The following FBLN2 variants were observed in gnomAD, a reference collection of about 807,000 sequenced individuals.
The protein encoded by FBLN2 is fibulin 2.
FBLN2 carries 81 observed loss-of-function variants against 123.7 expected under a neutral mutation model. The ratio of observed to expected loss-of-function variants is 0.65; its 90% CI spans 0.55 to 0.79. The LOEUF (loss-of-function observed/expected upper bound fraction) is 0.79, where lower values mean the gene tolerates loss of function less well. Ranked by LOEUF, FBLN2 falls within the 30% of genes least tolerant of loss-of-function variation. FBLN2 has a pLI of 0.00. For missense variants in FBLN2, 1,603 were observed against 1,681.3 expected (o/e 0.95, Z 0.81); for synonymous variants, 699 against 701.4 (o/e 1.00, Z 0.05).
chr3:13,559,187 G>A (rs1703543651), intron 1 of FBLN2, among the ~76,000 whole-genome samples: 1 of 152,082 alleles, frequency 6.6e-6, no homozygotes, highest in South Asian at 2.1e-4. Context: ...TTAGGTATGT[G>A]CCCATATGTC....
intron 9 of FBLN2, among the ~76,000 whole-genome samples, chr3:13,623,910 G>T (rs2176621): frequency 0.4 from 60,218 of 152,160 alleles, 13,064 homozygotes; most frequent in East Asian, 0.75. Flanking sequence ...GCAACCTGCA[G>T]AGGTAGTAAG....
intron 8 of FBLN2, among the ~76,000 whole-genome samples, chr3:13,620,817 G>C (rs1705824704): frequency 6.6e-6 from 1 of 152,224 alleles, no homozygotes; most frequent in African/African-American, 2.4e-5. Context: ...GAAAGCCCGT[G>C]TCCATCCCCA....
At chr3:13,620,443 T>G (rs1288642851) in intron 8 of FBLN2, among the ~76,000 whole-genome samples, 5 of 152,194 alleles carry the variant, frequency 3.3e-5, no homozygotes, top group African/African-American at 1.2e-4. Context: ...TGGCTGAATC[T>G]GTTCCCAAAT....
At chr3:13,603,110 A>G (rs1705089925) in intron 2 of FBLN2, among the ~76,000 whole-genome samples, 1 of 151,572 alleles carries the variant, frequency 6.6e-6, no homozygotes, top group Non-Finnish European at 1.5e-5. Flanking sequence ...ACGAGGTTTC[A>G]TTATGTTGGC....
At chr3:13,604,065 C>T (rs1705126876) in intron 2 of FBLN2, among the ~76,000 whole-genome samples, 1 of 152,262 alleles carries the variant, frequency 6.6e-6, no homozygotes, top group East Asian at 1.9e-4. Context: ...ATATCCTTCG[C>T]CCACTTTTTG....
intron 4 of FBLN2, among the ~76,000 whole-genome samples, chr3:13,610,877 A>G (rs1277693469): frequency 2.0e-5 from 3 of 148,324 alleles, no homozygotes; most frequent in African/African-American, 7.6e-5. Flanking sequence ...AGAAAGGGGC[A>G]GGAGAGCCCC....
intron 2 of FBLN2, among the ~76,000 whole-genome samples, chr3:13,600,294 A>G (rs1404782956): frequency 1.3e-5 from 2 of 152,072 alleles, no homozygotes; most frequent in Non-Finnish European, 2.9e-5. Context: ...TGGCACCTGC[A>G]CAATTTCCCC....
chr3:13,570,071 G>A (rs1703879017), intron 1 of FBLN2, among the ~76,000 whole-genome samples: 2 of 152,122 alleles, frequency 1.3e-5, no homozygotes, highest in Admixed American at 1.3e-4. Flanking sequence ...ACACGTGTGG[G>A]GCTGTCAGCG....
chr3:13,600,616 CTT>C lies in FBLN2; in HGVS notation c.1307-7431_1307-7430del, dbSNP rs35007080. Among the ~76,000 whole-genome samples, 72 of 137,748 alleles carry C rather than the reference CTT, an allele frequency of 5.2e-4. No homozygotes were observed. The East Asian group carries it at 7.8e-3, about 15-fold the overall frequency. The allele number at this position is 137,748 out of a possible 152,430, so 90.4% of individuals were successfully genotyped here. A position where few individuals can be genotyped will look rare whatever the true frequency, so the allele number is the denominator to read the frequency against. The stretch of plus-strand genomic sequence containing the variant: ...GCGACTTCTTTTTTAATTTTGTACA[CTT>C]TTTTTTTTTTTTTTGAGACGGAGTC... On this transcript the variant is annotated intron_variant, in intron 2 of 17. Transcript: ENST00000404922.
intron 2 of FBLN2, among the ~76,000 whole-genome samples, chr3:13,583,423 C>T (rs1338819960): frequency 6.6e-6 from 1 of 152,236 alleles, no homozygotes; most frequent in African/African-American, 2.4e-5. Flanking sequence ...CTGACTTGGC[C>T]CCCTGCACCG....
chr3:13,595,809 C>T (rs375099269), intron 2 of FBLN2, among the ~76,000 whole-genome samples: 71 of 152,098 alleles, frequency 4.7e-4, no homozygotes, highest in African/African-American at 1.7e-3. Context: ...ATCAAAGGAG[C>T]TTAGAATCCT....
rs373881539 is a variant in FBLN2, at chr3:13,637,543, C to T, written c.3339-19C>T. ...GGGGGTGGGCGAGCTGTGGGTGACC[C>T]GGCCTATCCTCCCTGCAGGAAGTGC... On this transcript the variant is annotated intron_variant, in intron 17 of 17. Coordinates refer to ENST00000404922, the MANE Select transcript of FBLN2 (RefSeq NM_001004019.2). The T allele has an allele frequency of 2.3e-5, 36 of 1,576,206 alleles. No individual in the cohort carries two copies. Among genetic ancestry groups the T allele is most frequent in the Admixed American group, 5.2e-5 (3 of 58,244 alleles).
At chr3:13,560,041 G>A (rs1703564479) in intron 1 of FBLN2, among the ~76,000 whole-genome samples, 3 of 152,200 alleles carry the variant, frequency 2.0e-5, no homozygotes. Context: ...TTGCAGAGGA[G>A]TAACTTGTGG....
intron 4 of FBLN2, among the ~76,000 whole-genome samples, chr3:13,612,100 G>A (rs994484643): frequency 6.6e-6 from 1 of 152,100 alleles, no homozygotes; most frequent in African/African-American, 2.4e-5. Flanking sequence ...TGGCATTTGG[G>A]AGAGGATTTT....
At position 13,636,561 on chromosome 3, in the gene FBLN2, T is replaced by C; in HGVS notation, c.3331T>C (p.Ser1111Pro). Reference protein sequence around the residue: ...FECPPNYVQVSKTKCERTTCH... With the variant: ...FECPPNYVQVPKTKCERTTCH... The stretch of plus-strand genomic sequence containing the variant: ...GTGTCCTCCCAACTATGTCCAAGTC[T>C]CCAAAACGTGAGTGTCCCCACCCCA... Residue 1111 changes from serine to proline, a missense_variant, in exon 17 of 18, where the codon TCC becomes CCC. Physicochemically the swap from Ser to Pro is moderately conservative, Grantham distance 74. Transcript: ENST00000404922. 1 of 1,613,148 alleles carries C rather than the reference T, an allele frequency of 6.2e-7. No individual in the cohort carries two copies. Among genetic ancestry groups the C allele is most frequent in the Non-Finnish European group, 8.5e-7 (1 of 1,179,598 alleles).
intron 2 of FBLN2, among the ~76,000 whole-genome samples, chr3:13,573,776 G>T (rs1320245023): frequency 6.6e-6 from 1 of 151,594 alleles, no homozygotes; most frequent in African/African-American, 2.4e-5. Flanking sequence ...GGTGGCAGGC[G>T]CCCGTAATCC....
In FBLN2 at chr3:13,629,842, G is replaced by A. The variant is rs757830659; in HGVS notation, c.2865G>A (p.Ser955=). The change falls in exon 14 of 18, where the codon TCG becomes TCA. Residue 955 remains serine (S), a synonymous_variant. Transcript: ENST00000404922. ...CAGACGTGAATGAGTGCTGGGCCTC[G>A]CCAGGCCGCCTGTGCCAGCACACGT... ...GCIDVNECWA[S]PGRLCQHTCE... is the part of the protein sequence containing the mutation. The A allele has an allele frequency of 6.3e-6, 10 of 1,580,828 alleles. No homozygotes were observed. Among genetic ancestry groups the A allele is most frequent in the South Asian group, 2.3e-5 (2 of 86,194 alleles).
chr3:13,571,584 A>C lies in FBLN2; in HGVS notation c.1229A>C (p.Gln410Pro). The C allele has an allele frequency of 6.2e-7, 1 of 1,613,358 alleles. No homozygotes were observed. The highest frequency in any genetic ancestry group is 8.5e-7 in the Non-Finnish European group (1 of 1,179,714). The change falls in exon 2 of 18, where the codon CAA becomes CCA. Residue 410 changes from glutamine to proline, a missense_variant. Physicochemically the swap from Gln to Pro is moderately conservative, Grantham distance 76. Coordinates refer to ENST00000404922, the MANE Select transcript of FBLN2 (RefSeq NM_001004019.2). Reference protein sequence around the residue: ...PPTREVPRKPQVLPHSHVEED... With the variant: ...PPTREVPRKPPVLPHSHVEED... Reference sequence around the variant, plus strand: ...ACCCGAGAAGTGCCCAGGAAGCCGCAAGTTCTGCCCCATTCCCACGTGGAG... The same window carrying C: ...ACCCGAGAAGTGCCCAGGAAGCCGCCAGTTCTGCCCCATTCCCACGTGGAG...
intron 2 of FBLN2, among the ~76,000 whole-genome samples, chr3:13,575,597 C>T (rs1704110384): frequency 6.6e-6 from 1 of 152,100 alleles, no homozygotes; most frequent in Admixed American, 6.6e-5. Flanking sequence ...AAGCTCAGGG[C>T]AGAGGGGAAA....
Sources: allele counts gnomAD v4.1 joint callset (sites outside exome capture counted in the v4.1 genomes callset), GRCh38; gene constraint gnomAD v4.1.1; transcripts MANE v1.5; gene names NCBI Gene and HGNC (gene_info 2026-07-23, HGNC 2026-07-21).